CTBP2: variants seen among roughly 807,000 people sequenced by gnomAD.
CTBP2 encodes C-terminal binding protein 2.
In CTBP2, 30 loss-of-function variants were observed where a neutral mutation model predicts 80.3. The observed-to-expected ratio is 0.37, with a 90% CI of 0.28 to 0.51. The LOEUF (loss-of-function observed/expected upper bound fraction) is 0.51, where lower values mean the gene tolerates loss of function less well. Ranked by LOEUF, CTBP2 falls within the 20% of genes least tolerant of loss-of-function variation. CTBP2 has a pLI of 0.93. For missense variants in CTBP2, 1,212 were observed against 1,375.3 expected, an observed-to-expected ratio of 0.88 and a Z score of 1.88; for synonymous variants, 594 against 587.4, an observed-to-expected ratio of 1.01 and a Z score of -0.16.
rs190786402 is a variant in CTBP2 at position 125,072,115 on chromosome 10, C to T, written c.-101-32960G>A. On this transcript the variant is annotated intron_variant, in intron 2 of 10. Transcript: ENST00000337195. ...GCTCACGAGGTCAGGAGTTCGAGAC[C>T]AGCCTGGCCAATATGGTGAAACCCC... 3.6e-3 allele frequency among the ~76,000 whole-genome samples: 549 copies of T among 152,270 alleles called. 2 individuals are homozygous for T. Among genetic ancestry groups the T allele is most frequent in the Non-Finnish European group, 6.4e-3 (436 of 68,016 alleles).
At chr10:125,146,379 C>G (rs1442037526) in intron 1 of CTBP2, among the ~76,000 whole-genome samples, 1 of 151,792 alleles carries the variant, frequency 6.6e-6, no homozygotes, top group Non-Finnish European at 1.5e-5. Flanking sequence ...CTCCAGAGTT[C>G]AAGCAATTCT....
At chr10:125,089,410 G>C (rs976906678) in intron 2 of CTBP2, among the ~76,000 whole-genome samples, 2 of 152,204 alleles carry the variant, frequency 1.3e-5, no homozygotes, top group Non-Finnish European at 2.9e-5. Flanking sequence ...TTGAACTTCC[G>C]AAGTCACGGT....
intron 1 of CTBP2, among the ~76,000 whole-genome samples, chr10:125,152,262 A>T (rs1047559448): frequency 6.6e-6 from 1 of 152,054 alleles, no homozygotes; most frequent in South Asian, 2.1e-4. Flanking sequence ...CCCGGACGCC[A>T]GGAGGCCCGT....
chr10:124,992,223 T>TTTC (rs1342475330), intron 8 of CTBP2, among the ~76,000 whole-genome samples: 3 of 150,020 alleles, frequency 2.0e-5, no homozygotes, highest in African/African-American at 7.3e-5. Flanking sequence ...TTTTTTTTTT[T>TTTC]TTTTTGGTGG....
At chr10:125,142,548 A>G (rs1389390163) in intron 1 of CTBP2, among the ~76,000 whole-genome samples, 2 of 152,130 alleles carry the variant, frequency 1.3e-5, no homozygotes, top group Non-Finnish European at 2.9e-5. Flanking sequence ...TTCCGCAACC[A>G]CCCGGTGGCG....
intron 2 of CTBP2, among the ~76,000 whole-genome samples, chr10:125,104,194 G>A (rs747877539): frequency 1.3e-5 from 2 of 152,264 alleles, no homozygotes; most frequent in South Asian, 2.1e-4. Flanking sequence ...CGATCCCAGC[G>A]GCCTGGAGAA....
chr10:125,003,253 T>C, intron 2 of CTBP2, 85 bp downstream of exon 4: 6 of 1,585,938 alleles, frequency 3.8e-6, no homozygotes, highest in South Asian at 1.1e-5. Context: ...GGCCTGCCGG[T>C]GACTTGGGGC....
intron 1 of CTBP2, among the ~76,000 whole-genome samples, chr10:125,013,489 C>T (rs187211121): frequency 2.1e-4 from 32 of 152,288 alleles, no homozygotes; most frequent in African/African-American, 7.7e-4. Context: ...ACCTATGCAC[C>T]AAGAACCCAA....
chr10:125,124,059 T>C (rs1467107764), intron 1 of CTBP2, among the ~76,000 whole-genome samples: 1 of 152,204 alleles, frequency 6.6e-6, no homozygotes, highest in Non-Finnish European at 1.5e-5. Context: ...CCAGCTGACA[T>C]ACACAGTTGT....
Position 125,012,341 on chromosome 10 carries a change from C to A in CTBP2, c.1679-8849G>T, listed in dbSNP as rs559982991. Among the ~76,000 whole-genome samples the A allele has an allele frequency of 1.6e-3, 239 of 152,328 alleles. 1 individual carries two copies. The highest frequency in any genetic ancestry group is 5.4e-3 in the African/African-American group (225 of 41,576). On this transcript the variant is annotated intron_variant, in intron 1 of 8. Coordinates refer to ENST00000309035, the MANE Select transcript of CTBP2 (RefSeq NM_022802.3). ...TGCGACATACCCTCCTGCTTCCCAA[C>A]ACGGGGACGGTCCCTGCAGGGACGG...
chr10:125,035,513 T>A (rs1004548082), intron 3 of CTBP2, among the ~76,000 whole-genome samples: 1 of 152,186 alleles, frequency 6.6e-6, no homozygotes, highest in Non-Finnish European at 1.5e-5. Flanking sequence ...TTTTTTCAAG[T>A]TGCAATCGCA....
chr10:125,073,147 A>AG (rs1480266857), intron 2 of CTBP2, among the ~76,000 whole-genome samples: 1 of 152,262 alleles, frequency 6.6e-6, no homozygotes, highest in Non-Finnish European at 1.5e-5. Flanking sequence ...CCACTCTCTT[A>AG]CATTTTACAT....
chr10:125,092,659 G>A (rs369963668), intron 2 of CTBP2, among the ~76,000 whole-genome samples: 1 of 152,004 alleles, frequency 6.6e-6, no homozygotes, highest in Non-Finnish European at 1.5e-5. Context: ...GTCAGGCCCC[G>A]GGGGCAGTGG....
At chr10:125,141,466 C>T (rs1857802414) in intron 1 of CTBP2, among the ~76,000 whole-genome samples, 1 of 152,176 alleles carries the variant, frequency 6.6e-6, no homozygotes, top group South Asian at 2.1e-4. Context: ...GGGCTTTCCA[C>T]AAACCACCCT....
At chr10:125,069,591 G>A (rs968799608) in intron 2 of CTBP2, among the ~76,000 whole-genome samples, 1 of 152,210 alleles carries the variant, frequency 6.6e-6, no homozygotes, top group African/African-American at 2.4e-5. Flanking sequence ...TTGCACACCA[G>A]CCTGGGCGAC....
chr10:125,006,120 T>C, intron 1 of CTBP2: 1 of 767,134 alleles, frequency 1.3e-6, no homozygotes, highest in South Asian at 2.4e-5. Context: ...GCCTTTCTCC[T>C]TGGTGAAACC....
chr10:124,998,717 A>T (rs1954006727), intron 3 of CTBP2: 1 of 172,492 alleles, frequency 5.8e-6, no homozygotes, highest in Non-Finnish European at 1.3e-5. Context: ...TGGCCCCGGG[A>T]ACGGAACCGA....
At chr10:125,107,559 G>C (rs1412072361) in intron 2 of CTBP2, among the ~76,000 whole-genome samples, 1 of 152,218 alleles carries the variant, frequency 6.6e-6, no homozygotes, top group Non-Finnish European at 1.5e-5. Flanking sequence ...AAAGATATCT[G>C]TCCTGCCAGA....
chr10:125,013,787 G>C (rs997179814), intron 1 of CTBP2, among the ~76,000 whole-genome samples: 1 of 152,052 alleles, frequency 6.6e-6, no homozygotes, highest in Non-Finnish European at 1.5e-5. Context: ...GCAACCCCAG[G>C]GTCCACCGCA....
Sources: gnomAD v4.1 joint callset for allele counts (sites outside exome capture counted in the v4.1 genomes callset) on GRCh38, gnomAD v4.1.1 for gene constraint, MANE v1.5 for transcripts, NCBI Gene and HGNC (gene_info 2026-07-23, HGNC 2026-07-21) for gene names.